Variants in GRN observed in about 807,000 individuals in gnomAD.
GRN encodes granulin precursor, also known as progranulin.
A neutral mutation model predicts 66.7 loss-of-function variants in GRN; 30 were observed. That is an observed-to-expected ratio of 0.45 (90% confidence interval 0.34 to 0.61). The LOEUF (loss-of-function observed/expected upper bound fraction) is 0.61, where lower values mean the gene tolerates loss of function less well. Among genes scored for constraint, GRN ranks in the 20% least tolerant of loss-of-function variants. The pLI is 0.01. For missense variants in GRN, 731 were observed against 803.5 expected (o/e 0.91, Z 1.09); for synonymous variants, 327 against 311.1 (o/e 1.05, Z -0.54).
At chr17:44,347,405 C>T (rs1183927002) in intron 1 of GRN, among the ~76,000 whole-genome samples, 1 of 151,950 alleles carries the variant, frequency 6.6e-6, no homozygotes, top group Non-Finnish European at 1.5e-5. Flanking sequence ...TCTCCTGCCT[C>T]AGCCTCTTGA....
At position 44,353,033 on chromosome 17, in the gene GRN, T is replaced by G. The variant is rs1598366753; in HGVS notation, c.*235T>G. 1.7e-6 allele frequency: 1 copy of G among 601,576 alleles called. No individual in the cohort carries two copies. Among genetic ancestry groups the G allele is most frequent in the Non-Finnish European group, 3.0e-6 (1 of 337,500 alleles). 37.3% of individuals were successfully genotyped at this position (601,576 alleles called of 1,614,324 possible). ...CGTTTCAGTGGACCCTGTGGCCAGG[T>G]GCTTTTCCCTATCCACAGGGGTGTT... On this transcript the variant is annotated 3_prime_UTR_variant, in exon 13 of 13. Coordinates refer to ENST00000053867, the MANE Select transcript of GRN (RefSeq NM_002087.4).
At chr17:44,351,956 CT>C in intron 10 of GRN, 58 bp from the exon 11 acceptor site, 1 of 1,491,144 alleles carries the variant, frequency 6.7e-7, no homozygotes, top group Non-Finnish European at 9.3e-7. Flanking sequence ...TAGGTAGGGG[CT>C]CGGCACTGCG....
Position 44,352,887 on chromosome 17 carries a change from A to C in GRN, c.*89A>C. 1.0e-5 allele frequency: 13 copies of C among 1,256,044 alleles called. No homozygotes were observed. Among genetic ancestry groups the C allele is most frequent in the African/African-American group, 1.5e-5 (1 of 68,102 alleles). 77.8% of individuals were successfully genotyped at this position (1,256,044 alleles called of 1,614,324 possible). A position where few individuals can be genotyped will look rare whatever the true frequency, so the allele number is the denominator to read the frequency against. ...CTCCCTAGCACCTCCCCCTAACCAA[A>C]TTCTCCCTGGACCCCATTCTGAGCT... On this transcript the variant is annotated 3_prime_UTR_variant, in exon 13 of 13. Transcript: ENST00000053867.
At chr17:44,350,608 G>C in intron 6 of GRN, 31 bp downstream of exon 6, 1 of 1,612,886 alleles carries the variant, frequency 6.2e-7, no homozygotes, top group Non-Finnish European at 8.5e-7. Context: ...CAGGCCAGGG[G>C]CTGGGGCGGG....
intron 10 of GRN, 44 bp downstream of exon 10, chr17:44,351,839 C>T (rs751652608): frequency 5.0e-6 from 8 of 1,599,368 alleles, no homozygotes; most frequent in Non-Finnish European, 6.8e-6. Context: ...AGGTGGGTGG[C>T]CAAGCTCCTA....
chr17:44,352,452 GC>G lies in GRN; in HGVS notation c.1528del (p.Arg510ValfsTer7). ...CTCTGCCCAGCCTGCCACCTTCCTGGCCCGTAGCCCTCACGTGGGTGTGAAG... is the reference window on the plus strand; with the variant it reads ...CTCTGCCCAGCCTGCCACCTTCCTGGCCGTAGCCCTCACGTGGGTGTGAAG... ...VVSAQPATFL[A>X]RSPHVGVKDV... On this transcript the variant is annotated frameshift_variant, in exon 12 of 13. Transcript: ENST00000053867. LOFTEE classifies it high-confidence loss of function. 6.2e-7 allele frequency: 1 copy of G among 1,614,114 alleles called. No individual in the cohort carries two copies. Among genetic ancestry groups the G allele is most frequent in the Non-Finnish European group, 8.5e-7 (1 of 1,180,002 alleles).
At position 44,352,020 on chromosome 17, in the gene GRN, C is replaced by T; in HGVS notation, c.1185C>T (p.Val395=). ...EWGCCPIPEA[V]CCSDHQHCCP... ...CTTTCCTGCCCACCCCCCAGGCTGT[C>T]TGCTGCTCGGACCACCAGCACTGCT... The change falls in exon 11 of 13, where the codon GTC becomes GTT. Residue 395 remains valine (V), a synonymous_variant. Coordinates refer to ENST00000053867, the MANE Select transcript of GRN (RefSeq NM_002087.4). The T allele has an allele frequency of 6.2e-7, 1 of 1,612,028 alleles. No homozygotes were observed. Among genetic ancestry groups the T allele is most frequent in the Non-Finnish European group, 8.5e-7 (1 of 1,178,946 alleles).
chr17:44,350,962 C>T, intron 7 of GRN, 75 bp from the exon 8 acceptor site: 2 of 1,548,872 alleles, frequency 1.3e-6, no homozygotes, highest in Non-Finnish European at 1.8e-6. Flanking sequence ...GGGGCAGTGC[C>T]AGCCATCAGC....
chr17:44,349,096 AC>A, intron 1 of GRN, 61 bp from the exon 2 acceptor site: 1 of 1,584,018 alleles, frequency 6.3e-7, no homozygotes, highest in South Asian at 1.1e-5. Context: ...GTACTGAGTG[AC>A]CCTAGAATCA....
chr17:44,351,328 C>A, intron 8 of GRN, 35 bp from the exon 9 acceptor site: 2 of 1,563,290 alleles, frequency 1.3e-6, no homozygotes, highest in Non-Finnish European at 1.8e-6. Flanking sequence ...GTCCCCAGTG[C>A]CACTTCTGAC....
chr17:44,350,885 G>C, intron 7 of GRN, 85 bp downstream of exon 7: 3 of 1,407,570 alleles, frequency 2.1e-6, no homozygotes, highest in Non-Finnish European at 3.0e-6. Context: ...CTGTGGCATG[G>C]GGCTGGCTGG....
rs1460713642 is a variant in GRN at position 44,349,507 on chromosome 17, A to T, written c.220A>T (p.Ile74Phe). ...CCACTGCTCTGCCGGCCACTCCTGC[A>T]TCTTTACCGTCTCAGGGACTTCCAG... ...DAHCSAGHSC[I>F]FTVSGTSSCC... Residue 74 changes from isoleucine (I) to phenylalanine (F), a missense_variant, in exon 3 of 13, where the codon ATC becomes TTC. Physicochemically the swap from Ile to Phe is conservative, Grantham distance 21. Transcript: ENST00000053867. 1 of 1,614,180 alleles carries T rather than the reference A, an allele frequency of 6.2e-7. No individual in the cohort carries two copies. The highest frequency in any genetic ancestry group is 1.1e-5 in the South Asian group (1 of 91,088).
rs368995988 is a variant in GRN at position 44,350,718 on chromosome 17, C to T, written c.626C>T (p.Pro209Leu). The change falls in exon 7 of 13, where the codon CCG (proline) becomes CTG (leucine). Residue 209 changes from proline to leucine, a missense_variant. Pro to Leu is a moderately conservative substitution (Grantham distance 98). Transcript: ENST00000053867. ...GCCTTGTCCAGCTCGGTCATGTGTC[C>T]GGACGCACGGTCCCGGTGCCCTGAT... ...AVALSSSVMC[P>L]DARSRCPDGS... The T allele has an allele frequency of 2.2e-4, 355 of 1,614,030 alleles. 2 individuals carry two copies. The South Asian group carries it at 3.2e-3, about 15-fold the overall frequency.
In GRN at chr17:44,351,368, G is replaced by A. The variant is rs772963921; in HGVS notation, c.841G>A (p.Asp281Asn). The change falls in exon 9 of 13, where the codon GAT (aspartate) becomes AAT (asparagine). Residue 281 changes from aspartate to asparagine, a missense_variant. By Grantham distance (23) the Asp-to-Asn change is conservative. Transcript: ENST00000053867. ...CCTCTCTGCTTCCCTCACAGTGGGG[G>A]ATGTGAAATGTGACATGGAGGTGAG... ...LTKLPAHTVG[D>N]VKCDMEVSCP... The A allele has an allele frequency of 1.8e-5, 29 of 1,609,890 alleles. No individual in the cohort carries two copies. Among genetic ancestry groups the A allele is most frequent in the African/African-American group, 2.7e-5 (2 of 74,816 alleles).
At position 44,352,664 on chromosome 17, in the gene GRN, G is replaced by A. The variant is rs63750754; in HGVS notation, c.1648G>A (p.Val550Ile). Residue 550 changes from valine to isoleucine, a missense_variant, in exon 13 of 13, where the codon GTC (valine) becomes ATC (isoleucine). Val to Ile is a conservative substitution (Grantham distance 29). Coordinates refer to ENST00000053867, the MANE Select transcript of GRN (RefSeq NM_002087.4). ...GWACCPYRQG[V>I]CCADRRHCCP... ...TCGCCCCCCTCTGACCATCCAGGGCGTCTGTTGTGCTGATCGGCGCCACTG... is the reference window on the plus strand; with the variant it reads ...TCGCCCCCCTCTGACCATCCAGGGCATCTGTTGTGCTGATCGGCGCCACTG... 1.6e-4 allele frequency: 261 copies of A among 1,609,804 alleles called. 2 individuals carry two copies. Among genetic ancestry groups the A allele is most frequent in the South Asian group, 8.8e-4 (80 of 91,086 alleles).
At chr17:44,348,026 A>G (rs975256707) in intron 1 of GRN, among the ~76,000 whole-genome samples, 2 of 151,920 alleles carry the variant, frequency 1.3e-5, no homozygotes, top group Admixed American at 6.6e-5. Flanking sequence ...GCTTGATCCC[A>G]GGAGTCTGAG....
In GRN at chr17:44,352,424, G is replaced by T. The variant is rs375682522; in HGVS notation, c.1497G>T (p.Val499=). The T allele has an allele frequency of 1.2e-5, 20 of 1,613,958 alleles. No individual in the cohort carries two copies. Among genetic ancestry groups the T allele is most frequent in the Non-Finnish European group, 1.7e-5 (20 of 1,180,002 alleles). ...AGGCTCGATCCTGCGAGAAGGAAGT[G>T]GTCTCTGCCCAGCCTGCCACCTTCC... The part of the protein sequence containing the change: ...NVKARSCEKE[V]VSAQPATFLA... The change falls in exon 12 of 13, where the codon GTG becomes GTT. Residue 499 remains valine, a synonymous_variant. Transcript: ENST00000053867.
chr17:44,353,104 T>A lies in GRN; in HGVS notation c.*306T>A, dbSNP rs1003870722. On this transcript the variant is annotated 3_prime_UTR_variant, in exon 13 of 13. Transcript: ENST00000053867. ...TTTCAATAAAGTTTGTACACTTTCT[T>A]AACAGTGTCTGATTTGCCGCCCTGC... is the stretch of plus-strand genomic sequence containing the variant. 3.9e-6 allele frequency: 2 copies of A among 513,876 alleles called. No homozygotes were observed. The highest frequency in any genetic ancestry group is 7.1e-6 in the Non-Finnish European group (2 of 283,060). 31.8% of individuals were successfully genotyped at this position (513,876 alleles called of 1,614,324 possible).
In GRN at chr17:44,352,813, G is replaced by T. The variant is rs996951779; in HGVS notation, c.*15G>T. 3.7e-6 allele frequency: 6 copies of T among 1,609,870 alleles called. No individual in the cohort carries two copies. The highest frequency in any genetic ancestry group is 5.1e-6 in the Non-Finnish European group (6 of 1,179,812). On this transcript the variant is annotated 3_prime_UTR_variant, in exon 13 of 13. Transcript: ENST00000053867. ...AGCTGCTGTGAGGGACAGTACTGAA[G>T]ACTCTGCAGCCCTCGGGACCCCACT... is the stretch of plus-strand genomic sequence containing the variant.
Sources: gnomAD v4.1 joint callset for allele counts (sites outside exome capture counted in the v4.1 genomes callset) on GRCh38, gnomAD v4.1.1 for gene constraint, MANE v1.5 for transcripts, NCBI Gene and HGNC (gene_info 2026-07-23, HGNC 2026-07-21) for gene names.